GKAP1: variants seen among roughly 807,000 people sequenced by gnomAD.
GKAP1 encodes G kinase-anchoring protein 1.
GKAP1 carries 31 observed loss-of-function variants against 56.7 expected under a neutral mutation model. The ratio of observed to expected loss-of-function variants is 0.55; its 90% CI spans 0.41 to 0.74. GKAP1 has a LOEUF of 0.74. Among genes scored for constraint, GKAP1 ranks in the 30% least tolerant of loss-of-function variants. The probability of loss-of-function intolerance (pLI) is 0.00; values close to 1 mark genes in which losing one functional copy is unlikely to be tolerated. For synonymous variants in GKAP1, 151 were observed against 138.6 expected, an observed-to-expected ratio of 1.09 and a Z score of -0.63; for missense variants, 364 against 402.3, an observed-to-expected ratio of 0.90 and a Z score of 0.82.
chr9:83,788,876 T>C (rs1944109359), intron 4 of GKAP1, 198 bp from the exon 5 acceptor site: 1 of 378,162 alleles, frequency 2.6e-6, no homozygotes. Context: ...CTTCCAATTT[T>C]GAGATTTCCA....
At chr9:83,786,440 C>T (rs1237682417) in intron 5 of GKAP1, among the ~76,000 whole-genome samples, 3 of 151,862 alleles carry the variant, frequency 2.0e-5, no homozygotes, top group African/African-American at 7.3e-5. Context: ...ACTCGGGAGG[C>T]TGAGGCAGGA....
At chr9:83,766,261 C>T (rs1052999841) in intron 8 of GKAP1, among the ~76,000 whole-genome samples, 4 of 152,164 alleles carry the variant, frequency 2.6e-5, no homozygotes, top group Non-Finnish European at 4.4e-5. Flanking sequence ...GAGGCCTCCC[C>T]AGCCAAGTGG....
chr9:83,787,241 A>C (rs1944080129), intron 5 of GKAP1, among the ~76,000 whole-genome samples: 1 of 152,106 alleles, frequency 6.6e-6, no homozygotes, highest in Admixed American at 6.6e-5. Flanking sequence ...AATGCTGTGA[A>C]TTTTTTTGTT....
intron 2 of GKAP1, among the ~76,000 whole-genome samples, chr9:83,813,875 C>G (rs1262816900): frequency 6.6e-6 from 1 of 152,144 alleles, no homozygotes; most frequent in African/African-American, 2.4e-5. Flanking sequence ...CTGAGGTGGG[C>G]AGATTGCTTG....
At chr9:83,800,776 G>A (rs1259707023) in intron 3 of GKAP1, among the ~76,000 whole-genome samples, 1 of 152,186 alleles carries the variant, frequency 6.6e-6, no homozygotes, top group Non-Finnish European at 1.5e-5. Flanking sequence ...GTGGTCAACT[G>A]TCAAACCATG....
chr9:83,758,412 G>A (rs1387744784), intron 8 of GKAP1, among the ~76,000 whole-genome samples: 1 of 151,976 alleles, frequency 6.6e-6, no homozygotes, highest in Non-Finnish European at 1.5e-5. Context: ...TATGCATCTA[G>A]GCATTTTCCT....
intron 3 of GKAP1, among the ~76,000 whole-genome samples, chr9:83,803,662 G>A (rs1191382756): frequency 3.3e-5 from 5 of 152,174 alleles, no homozygotes; most frequent in Admixed American, 1.3e-4. Context: ...TGCAGCCTCT[G>A]CCCGGCCGCC....
At chr9:83,783,861 T>C (rs1944018371) in intron 6 of GKAP1, among the ~76,000 whole-genome samples, 1 of 152,172 alleles carries the variant, frequency 6.6e-6, no homozygotes, top group Non-Finnish European at 1.5e-5. Context: ...AAAAGATAAA[T>C]TCTTACTAAA....
chr9:83,784,914 C>A, intron 5 of GKAP1, 76 bp from the exon 6 acceptor site: 1 of 1,147,876 alleles, frequency 8.7e-7, no homozygotes, highest in Non-Finnish European at 1.2e-6. Flanking sequence ...TAATATGTTT[C>A]TTAAAGTTTA....
intron 3 of GKAP1, among the ~76,000 whole-genome samples, chr9:83,805,955 A>G (rs1039353213): frequency 6.6e-6 from 1 of 152,136 alleles, no homozygotes; most frequent in Non-Finnish European, 1.5e-5. Flanking sequence ...CATCTCTACA[A>G]AAAACGCAAA....
At chr9:83,812,362 T>A (rs1253297702) in intron 2 of GKAP1, among the ~76,000 whole-genome samples, 1 of 146,600 alleles carries the variant, frequency 6.8e-6, no homozygotes. Flanking sequence ...TATATATATT[T>A]TTTTTTAGAC....
At chr9:83,787,790 G>A (rs76734298) in intron 5 of GKAP1, among the ~76,000 whole-genome samples, 1,963 of 152,256 alleles carry the variant, frequency 0.013, 37 homozygotes, top group African/African-American at 0.045. Context: ...GCTATAGAAT[G>A]CATTTCAACA....
chr9:83,807,702 A>C (rs899949838), intron 2 of GKAP1, among the ~76,000 whole-genome samples: 4 of 152,202 alleles, frequency 2.6e-5, no homozygotes, highest in African/African-American at 9.7e-5. Flanking sequence ...ATTCACAGTG[A>C]TCATATTTGA....
intron 9 of GKAP1, among the ~76,000 whole-genome samples, chr9:83,752,637 T>C (rs1943410013): frequency 6.6e-6 from 1 of 152,126 alleles, no homozygotes; most frequent in African/African-American, 2.4e-5. Context: ...ACAGTGGTGA[T>C]GGTTACACAA....
intron 8 of GKAP1, among the ~76,000 whole-genome samples, chr9:83,768,259 T>C (rs1943696673): frequency 1.3e-5 from 2 of 152,212 alleles, no homozygotes; most frequent in South Asian, 4.1e-4. Flanking sequence ...GGGCCTTTTA[T>C]ATTTCAGGAC....
chr9:83,748,404 T>A (rs1943330050), intron 9 of GKAP1, 32 bp from the exon 10 acceptor site: 2 of 1,292,020 alleles, frequency 1.5e-6, no homozygotes, highest in Non-Finnish European at 2.2e-6. Context: ...TTTAGTTTTT[T>A]TAAAAGTAAG....
At chr9:83,743,778 T>C (rs1032553961) in intron 10 of GKAP1, among the ~76,000 whole-genome samples, 4 of 152,142 alleles carry the variant, frequency 2.6e-5, no homozygotes, top group African/African-American at 9.7e-5. Flanking sequence ...CTCTTAGAAC[T>C]ATTCATTTTT....
chr9:83,779,494 CATAT>C (rs542986574), intron 7 of GKAP1, among the ~76,000 whole-genome samples: 5 of 103,536 alleles, frequency 4.8e-5, no homozygotes, highest in African/African-American at 6.5e-5. Context: ...CATATATACA[CATAT>C]ACACATATAT....
intron 10 of GKAP1, among the ~76,000 whole-genome samples, chr9:83,747,255 G>A (rs1290182720): frequency 2.0e-5 from 3 of 152,168 alleles, no homozygotes; most frequent in Non-Finnish European, 4.4e-5. Context: ...AAATGCAACT[G>A]ATTTGGCAGG....
Sources: gnomAD v4.1 joint callset for allele counts (sites outside exome capture counted in the v4.1 genomes callset) on GRCh38, gnomAD v4.1.1 for gene constraint, MANE v1.5 for transcripts, NCBI Gene and HGNC (gene_info 2026-07-23, HGNC 2026-07-21) for gene names.